Variants in GRK4 observed in about 807,000 individuals in gnomAD.
GRK4 encodes the protein G protein-coupled receptor kinase 2-like.
Under a neutral mutation model 77.9 loss-of-function variants are expected in GRK4, and 73 were observed. The observed-to-expected ratio is 0.94, with a 90% confidence interval of 0.78 to 1.14. The LOEUF (loss-of-function observed/expected upper bound fraction) is 1.14. Among genes scored for constraint, GRK4 ranks in the 50% most tolerant of loss-of-function variants. The probability of loss-of-function intolerance (pLI) is 0.00; values close to 1 mark genes in which losing one functional copy is unlikely to be tolerated. For synonymous variants in GRK4, 257 were observed against 254.4 expected, an observed-to-expected ratio of 1.01 and a Z score of -0.10; for missense variants, 729 against 700.2, an observed-to-expected ratio of 1.04 and a Z score of -0.46.
intron 1 of GRK4, chr4:2,965,249 G>T (rs981013686): frequency 1.7e-5 from 12 of 702,822 alleles, no homozygotes; most frequent in Non-Finnish European, 3.1e-5. Flanking sequence ...CTAGTCCTCT[G>T]CATCCCGCCA....
intron 4 of GRK4, among the ~76,000 whole-genome samples, chr4:3,000,085 G>A (rs916158800): frequency 2.0e-5 from 3 of 152,064 alleles, no homozygotes; most frequent in African/African-American, 7.2e-5. Context: ...TAAAAAGCAA[G>A]GCACTAAGTC....
In GRK4 at chr4:2,996,943, G is replaced by A. The variant is rs61791220; in HGVS notation, c.339+4651G>A. Among the ~76,000 whole-genome samples, 1,309 of 152,234 alleles carry A rather than the reference G, an allele frequency of 8.6e-3. 20 individuals carry two copies. Among genetic ancestry groups the A allele is most frequent in the Middle Eastern group, 0.051 (15 of 294 alleles). ...TGCTAAAAAGGGAACCCCTAGGCTA[G>A]GTGCGGTGGCTCATGCCTGTAATCC... is the stretch of plus-strand genomic sequence containing the variant. On this transcript the variant is annotated intron_variant, in intron 4 of 15. Coordinates refer to ENST00000398052, the MANE Select transcript of GRK4 (RefSeq NM_182982.3).
At chr4:3,025,545 A>G (rs914986989) in intron 10 of GRK4, among the ~76,000 whole-genome samples, 6 of 150,694 alleles carry the variant, frequency 4.0e-5, no homozygotes, top group Non-Finnish European at 7.4e-5. Flanking sequence ...GCCCGCCACC[A>G]CGCCCGGCTA....
chr4:2,983,947 C>T (rs780010546), intron 1 of GRK4, among the ~76,000 whole-genome samples: 1 of 152,040 alleles, frequency 6.6e-6, no homozygotes, highest in South Asian at 2.1e-4. Flanking sequence ...CTTTTAAAAC[C>T]ATCAGATCTC....
chr4:3,037,732 T>G (rs1011969046), intron 14 of GRK4, among the ~76,000 whole-genome samples: 1 of 151,892 alleles, frequency 6.6e-6, no homozygotes, highest in Admixed American at 6.6e-5. Context: ...CTGGCCAACA[T>G]AGTGAAACCC....
chr4:2,982,145 T>C (rs1266648506), intron 1 of GRK4, among the ~76,000 whole-genome samples: 2 of 152,238 alleles, frequency 1.3e-5, no homozygotes, highest in East Asian at 3.9e-4. Context: ...GGTCAGCAGC[T>C]GTGGCTGGGT....
At chr4:2,967,135 G>A (rs1276387016) in intron 1 of GRK4, among the ~76,000 whole-genome samples, 1 of 152,162 alleles carries the variant, frequency 6.6e-6, no homozygotes, top group African/African-American at 2.4e-5. Context: ...CAGAAAGTGG[G>A]CCCTCACCAG....
chr4:2,972,140 G>A (rs1719745641), intron 1 of GRK4, among the ~76,000 whole-genome samples: 1 of 152,146 alleles, frequency 6.6e-6, no homozygotes, highest in Non-Finnish European at 1.5e-5. Flanking sequence ...AAACACTGTG[G>A]CCCCACTTTA....
intron 12 of GRK4, among the ~76,000 whole-genome samples, chr4:3,033,480 G>T (rs969494324): frequency 6.6e-6 from 1 of 152,240 alleles, no homozygotes; most frequent in Non-Finnish European, 1.5e-5. Flanking sequence ...GATGGGAGTG[G>T]AGTATGCTGG....
At chr4:3,009,792 C>T in intron 7 of GRK4, 81 bp downstream of exon 7, 1 of 966,016 alleles carries the variant, frequency 1.0e-6, no homozygotes, top group Admixed American at 1.8e-5. Context: ...TCAGGTAATG[C>T]ATCAGCTCTC....
intron 1 of GRK4, among the ~76,000 whole-genome samples, chr4:2,984,241 A>G (rs1319044947): frequency 6.6e-6 from 1 of 152,198 alleles, no homozygotes; most frequent in Non-Finnish European, 1.5e-5. Context: ...CCTGAACAAT[A>G]TGTCATGTTA....
rs1741484999 is a variant in GRK4 at position 3,038,525 on chromosome 4, T to C, written c.1683+12T>C. ...TCTTCAGAAGAGGGGTAAAAAGACT[T>C]AAAAACTAATATATGTGTGTGTATG... is the stretch of plus-strand genomic sequence containing the variant. On this transcript the variant is annotated intron_variant, in intron 15 of 15. Coordinates refer to ENST00000398052, the MANE Select transcript of GRK4 (RefSeq NM_182982.3). 5.0e-6 allele frequency: 8 copies of C among 1,589,496 alleles called. No homozygotes were observed. The highest frequency in any genetic ancestry group is 6.8e-6 in the Non-Finnish European group (8 of 1,169,766).
chr4:3,004,457 G>A, intron 5 of GRK4, 123 bp downstream of exon 5: 1 of 590,070 alleles, frequency 1.7e-6, no homozygotes, highest in Non-Finnish European at 3.0e-6. Context: ...GAACAACATG[G>A]GCATTAGGGA....
At chr4:3,022,642 G>A (rs957214798) in intron 10 of GRK4, among the ~76,000 whole-genome samples, 191 bp downstream of exon 10, 2 of 152,134 alleles carry the variant, frequency 1.3e-5, no homozygotes, top group Non-Finnish European at 2.9e-5. Flanking sequence ...CCTGTGTTTA[G>A]GCAAGAAGCA....
chr4:3,022,524 A>G (rs1009347110), intron 10 of GRK4, 73 bp downstream of exon 10: 1 of 1,336,826 alleles, frequency 7.5e-7, no homozygotes, highest in Non-Finnish European at 1.1e-6. Flanking sequence ...AGTTGGATGC[A>G]GAAAGTGGAC....
intron 8 of GRK4, among the ~76,000 whole-genome samples, chr4:3,014,796 C>CA (rs956817468): frequency 6.6e-6 from 1 of 150,734 alleles, no homozygotes; most frequent in African/African-American, 2.4e-5. Flanking sequence ...GACTCCGTTT[C>CA]AAAAAAAAGA....
chr4:3,021,988 C>T (rs532928501), intron 9 of GRK4, among the ~76,000 whole-genome samples: 363 of 152,278 alleles, frequency 2.4e-3, no homozygotes, highest in African/African-American at 8.5e-3. Flanking sequence ...GTGACATTCC[C>T]ACCTCAGCCC....
At chr4:3,018,571 GTTA>G (rs917217919) in intron 8 of GRK4, among the ~76,000 whole-genome samples, 8 of 151,988 alleles carry the variant, frequency 5.3e-5, no homozygotes, top group African/African-American at 1.9e-4. Flanking sequence ...ACTGTAAAAT[GTTA>G]TTATAAGAAA....
intron 2 of GRK4, among the ~76,000 whole-genome samples, chr4:2,985,134 C>T (rs555615385): frequency 9.3e-5 from 14 of 150,936 alleles, no homozygotes; most frequent in East Asian, 6.0e-4. Context: ...TGAGCCAGGC[C>T]GGGCGCAGTG....
Sources: allele counts gnomAD v4.1 joint callset (sites outside exome capture counted in the v4.1 genomes callset), GRCh38; gene constraint gnomAD v4.1.1; transcripts MANE v1.5; gene names NCBI Gene and HGNC (gene_info 2026-07-23, HGNC 2026-07-21).